SYNJ1: variants seen among roughly 807,000 people sequenced by gnomAD.
The protein encoded by SYNJ1 is synaptojanin 1, also known as polyphosphatidylinositol phosphatase SYNJ1.
In SYNJ1, 78 loss-of-function variants were observed where a neutral mutation model predicts 168.2. The ratio of observed to expected loss-of-function variants is 0.46; its 90% confidence interval spans 0.39 to 0.56. The LOEUF is 0.56. Among genes scored for constraint, SYNJ1 ranks in the 20% least tolerant of loss-of-function variants. The pLI is 0.00. For synonymous variants in SYNJ1, 539 were observed against 548.6 expected, an observed-to-expected ratio of 0.98 and a Z score of 0.24; for missense variants, 1,303 against 1,597.6, an observed-to-expected ratio of 0.82 and a Z score of 3.14.
intron 21 of SYNJ1, among the ~76,000 whole-genome samples, chr21:32,656,083 G>GT (rs1397230860): frequency 6.6e-6 from 1 of 152,068 alleles, no homozygotes; most frequent in Non-Finnish European, 1.5e-5. Flanking sequence ...TATAGGAATC[G>GT]TGAGAGTTCA....
chr21:32,707,993 GTGAC>G (rs948567889), intron 2 of SYNJ1, among the ~76,000 whole-genome samples: 1 of 152,210 alleles, frequency 6.6e-6, no homozygotes, highest in Non-Finnish European at 1.5e-5. Context: ...TCCAGCCTGG[GTGAC>G]ACAGTGAGAC....
chr21:32,682,323 G>C (rs1487228946), intron 10 of SYNJ1, among the ~76,000 whole-genome samples: 1 of 152,134 alleles, frequency 6.6e-6, no homozygotes, highest in East Asian at 1.9e-4. Context: ...AAATCTGACA[G>C]AGTCAATGTT....
chr21:32,676,456 A>C, intron 12 of SYNJ1, 101 bp from the exon 13 acceptor site: 1 of 1,130,092 alleles, frequency 8.8e-7, no homozygotes, highest in Non-Finnish European at 1.3e-6. Context: ...GACCTCACTT[A>C]AGTCAATTTG....
At chr21:32,667,693 G>GC (rs2040997030) in intron 15 of SYNJ1, among the ~76,000 whole-genome samples, 1 of 152,050 alleles carries the variant, frequency 6.6e-6, no homozygotes, top group East Asian at 1.9e-4. Context: ...CCTCAGCCCC[G>GC]CAAGTAGCTG....
chr21:32,704,560 G>T (rs747724313), intron 2 of SYNJ1, among the ~76,000 whole-genome samples: 14 of 152,178 alleles, frequency 9.2e-5, no homozygotes, highest in Non-Finnish European at 1.0e-4. Context: ...TGTGGGAGGG[G>T]CCGCCTGGCA....
chr21:32,713,725 C>T (rs2042922282), intron 2 of SYNJ1, among the ~76,000 whole-genome samples: 1 of 151,790 alleles, frequency 6.6e-6, no homozygotes, highest in South Asian at 2.1e-4. Context: ...TGGATGATTT[C>T]CCATATATCA....
At chr21:32,693,455 T>C (rs765512235) in intron 6 of SYNJ1, among the ~76,000 whole-genome samples, 1 of 152,210 alleles carries the variant, frequency 6.6e-6, no homozygotes, top group African/African-American at 2.4e-5. Flanking sequence ...TAGTCTGTAA[T>C]TTTTCTCTGC....
At chr21:32,669,010 C>T (rs1013484046) in intron 15 of SYNJ1, among the ~76,000 whole-genome samples, 7 of 152,130 alleles carry the variant, frequency 4.6e-5, no homozygotes, top group South Asian at 2.1e-4. Context: ...AATGCCACTT[C>T]GCCTAAGAAT....
At chr21:32,728,128 C>T (rs965729140), upstream of SYNJ1, 9 of 1,412,316 alleles carry the variant, frequency 6.4e-6, no homozygotes, top group Non-Finnish European at 8.3e-6. Context: ...CTGCGCCGAC[C>T]GGCTGGGCCT....
intron 2 of SYNJ1, among the ~76,000 whole-genome samples, chr21:32,708,550 C>T (rs1372857739): frequency 6.6e-6 from 1 of 152,242 alleles, no homozygotes. Flanking sequence ...TCAAGATCGA[C>T]AGCAGTTCAG....
At position 32,630,945 on chromosome 21, in the gene SYNJ1, T is replaced by G. The variant is rs765038797; in HGVS notation, c.*860A>C. ...ATGAAATACTAATGCCCAATTCTCT[T>G]AGCTCTATCCTGCCAAAAGCAAGTA... On this transcript the variant is annotated 3_prime_UTR_variant, in exon 33 of 33. Transcript: ENST00000674351. 65 of 1,533,208 alleles carry G rather than the reference T, an allele frequency of 4.2e-5. No homozygotes were observed. The highest frequency in any genetic ancestry group is 5.5e-5 in the Non-Finnish European group (62 of 1,136,406). 95.0% of individuals were successfully genotyped at this position (1,533,208 alleles called of 1,614,324 possible).
intron 17 of SYNJ1, among the ~76,000 whole-genome samples, chr21:32,665,445 C>T (rs2040888150): frequency 6.6e-6 from 1 of 152,250 alleles, no homozygotes; most frequent in Admixed American, 6.5e-5. Flanking sequence ...TGACTGCTTC[C>T]TCTGCCCTAT....
chr21:32,666,309 C>T (rs1017798121), intron 16 of SYNJ1, 124 bp downstream of exon 16: 1 of 1,480,214 alleles, frequency 6.8e-7, no homozygotes, highest in African/African-American at 1.4e-5. Context: ...CCCCCAAAAC[C>T]CCATTTTAAA....
At chr21:32,662,220 C>T (rs1024843529) in intron 18 of SYNJ1, among the ~76,000 whole-genome samples, 5 of 152,140 alleles carry the variant, frequency 3.3e-5, no homozygotes, top group East Asian at 1.9e-4. Context: ...GGTCTACGCA[C>T]GGCCGAGGCA....
At chr21:32,645,619 G>T in intron 25 of SYNJ1, 27 bp downstream of exon 25, 1 of 1,511,046 alleles carries the variant, frequency 6.6e-7, no homozygotes, top group South Asian at 1.3e-5. Context: ...TTTACATCTA[G>T]CAGAAATGGA....
At chr21:32,715,019 CTG>C (rs988464721) in intron 2 of SYNJ1, among the ~76,000 whole-genome samples, 4 of 152,184 alleles carry the variant, frequency 2.6e-5, no homozygotes, top group African/African-American at 9.7e-5. Context: ...AATCTGAAAA[CTG>C]TACTTTCTAC....
At chr21:32,639,209 A>G (rs1431084380) in intron 30 of SYNJ1, 84 bp from the exon 31 acceptor site, 5 of 1,278,244 alleles carry the variant, frequency 3.9e-6, no homozygotes, top group Non-Finnish European at 5.4e-6. Context: ...TTAGGAGAAC[A>G]TTCTAGTTAT....
At chr21:32,724,740 GTCAAATGAC>G (rs60733139) in intron 2 of SYNJ1, among the ~76,000 whole-genome samples, 12,181 of 152,148 alleles carry the variant, frequency 0.08, 625 homozygotes, top group South Asian at 0.16. Context: ...AATTTTAAAA[GTCAAATGAC>G]TTAAGAAGGT....
intron 3 of SYNJ1, among the ~76,000 whole-genome samples, chr21:32,700,444 C>T (rs554691941): frequency 4.6e-5 from 7 of 152,150 alleles, no homozygotes; most frequent in Admixed American, 2.6e-4. Flanking sequence ...CACCTGAGGC[C>T]GGGAATTAAA....
Sources: gnomAD v4.1 joint callset for allele counts (sites outside exome capture counted in the v4.1 genomes callset) on GRCh38, gnomAD v4.1.1 for gene constraint, MANE v1.5 for transcripts, NCBI Gene and HGNC (gene_info 2026-07-23, HGNC 2026-07-21) for gene names.